The following ATP2B4 variants were observed in gnomAD, a reference collection of about 807,000 sequenced individuals.
The protein encoded by ATP2B4 is ATPase plasma membrane Ca2+ transporting 4.
ATP2B4 carries 39 observed loss-of-function variants against 110.3 expected under a neutral mutation model. The ratio of observed to expected loss-of-function variants is 0.35; its 90% CI spans 0.27 to 0.46. The LOEUF (loss-of-function observed/expected upper bound fraction) is 0.46. Among genes scored for constraint, ATP2B4 ranks in the 20% least tolerant of loss-of-function variants. ATP2B4 has a pLI of 1.00. For synonymous variants in ATP2B4, 538 were observed against 571.7 expected, an observed-to-expected ratio of 0.94 and a Z score of 0.84; for missense variants, 1,135 against 1,530.9, an observed-to-expected ratio of 0.74 and a Z score of 4.32.
chr1:203,703,512 G>A (rs1256222315), intron 7 of ATP2B4, 140 bp from the exon 8 acceptor site: 17 of 894,542 alleles, frequency 1.9e-5, no homozygotes, highest in Middle Eastern at 3.6e-4. Context: ...TCTAGCATGG[G>A]TTGGAAGTGG....
intron 1 of ATP2B4, among the ~76,000 whole-genome samples, chr1:203,636,972 A>G (rs905621239): frequency 6.6e-6 from 1 of 152,116 alleles, no homozygotes; most frequent in African/African-American, 2.4e-5. Context: ...TCCCACCTCC[A>G]CCTGCCGGGA....
intron 1 of ATP2B4, among the ~76,000 whole-genome samples, chr1:203,668,756 C>T (rs1664579320): frequency 6.6e-6 from 1 of 152,154 alleles, no homozygotes; most frequent in African/African-American, 2.4e-5. Context: ...CTGTGTGAGC[C>T]ACTGTGGACT....
chr1:203,727,636 AG>A, intron 20 of ATP2B4, 65 bp downstream of exon 20: 5 of 1,588,648 alleles, frequency 3.1e-6, no homozygotes, highest in Non-Finnish European at 4.3e-6. Flanking sequence ...AGGTGTTGGG[AG>A]GGTAGCAGTT....
intron 20 of ATP2B4, among the ~76,000 whole-genome samples, chr1:203,738,862 A>G (rs561085630): frequency 2.9e-4 from 44 of 152,330 alleles, no homozygotes; most frequent in Admixed American, 1.0e-3. Context: ...GGGAGGGGAC[A>G]CAGTGGTGGT....
At position 203,709,502 on chromosome 1, in the gene ATP2B4, C is replaced by T. The variant is rs1292104307; in HGVS notation, c.1759C>T (p.Arg587Cys). The T allele has an allele frequency of 7.4e-6, 12 of 1,614,030 alleles. No individual in the cohort carries two copies. The highest frequency in any genetic ancestry group is 6.7e-5 in the Admixed American group (4 of 59,996). ...CATCAGGAATCCCAACGGTGGCTTC[C>T]GTATGTACAGCAAGGGCGCCTCTGA... ...TVIRNPNGGF[R>C]MYSKGASEII... The change falls in exon 11 of 21, where the codon CGT (arginine) becomes TGT (cysteine). Residue 587 changes from arginine (R) to cysteine (C), a missense_variant. This residue lies in a region of ATP2B4 where 368 missense variants were observed against 455.9 expected (regional missense o/e 0.81). Coordinates refer to ENST00000357681, the MANE Select transcript of ATP2B4 (RefSeq NM_001684.5).
At chr1:203,669,613 A>G (rs770218709) in intron 1 of ATP2B4, among the ~76,000 whole-genome samples, 1 of 151,344 alleles carries the variant, frequency 6.6e-6, no homozygotes, top group Non-Finnish European at 1.5e-5. Flanking sequence ...ATTTTTGTAT[A>G]TTTAGTAGAG....
chr1:203,722,567 G>C lies in ATP2B4; in HGVS notation c.2902G>C (p.Val968Leu). 2 of 1,614,124 alleles carry C rather than the reference G, an allele frequency of 1.2e-6. No homozygotes were observed. The highest frequency in any genetic ancestry group is 3.3e-4 in the Middle Eastern group (2 of 6,062). Residue 968 changes from valine to leucine, a missense_variant, in exon 18 of 21, where the codon GTG (valine) becomes CTG (leucine). Physicochemically the swap from Val to Leu is conservative, Grantham distance 32. Coordinates refer to ENST00000357681, the MANE Select transcript of ATP2B4 (RefSeq NM_001684.5). ...CTATACCATTGTTTTTAACACCTTC[G>C]TGCTGATGCAGCTCTTCAATGAAAT... is the stretch of plus-strand genomic sequence containing the variant. ...QHYTIVFNTF[V>L]LMQLFNEINS...
At chr1:203,695,920 T>A (rs10793764) in intron 2 of ATP2B4, among the ~76,000 whole-genome samples, 5 of 151,862 alleles carry the variant, frequency 3.3e-5, no homozygotes, top group East Asian at 1.9e-4. Flanking sequence ...CTTTTGACAT[T>A]TAAGGTAACA....
intron 1 of ATP2B4, chr1:203,656,856 G>A: frequency 4.9e-6 from 2 of 411,864 alleles, no homozygotes; most frequent in Non-Finnish European, 4.4e-6. Context: ...TGTTTACAAT[G>A]TAATAAATCT....
intron 11 of ATP2B4, among the ~76,000 whole-genome samples, chr1:203,710,622 A>G (rs1665978624): frequency 6.6e-6 from 1 of 152,238 alleles, no homozygotes; most frequent in Non-Finnish European, 1.5e-5. Context: ...AATGACTTGC[A>G]TTGCATTCAC....
At chr1:203,723,459 T>C (rs796947698) in intron 18 of ATP2B4, among the ~76,000 whole-genome samples, 19 of 128,680 alleles carry the variant, frequency 1.5e-4, no homozygotes, top group African/African-American at 2.8e-4. Flanking sequence ...TCTCTCTCTC[T>C]CCCTCTGCCT....
intron 1 of ATP2B4, chr1:203,657,290 T>C: frequency 1.4e-6 from 1 of 730,168 alleles, no homozygotes; most frequent in African/African-American, 1.8e-5. Context: ...CAAAGCAGAG[T>C]TTAGTAACCA....
rs35019828 is a variant in ATP2B4 at position 203,704,467 on chromosome 1, C to CTTTTTTTTTT, written c.1099+676_1099+685dup. ...GTGGACATATCTCTCAAGGAACAGT[C>CTTTTTTTTTT]TTTTTTTTTTTTTTTTTTTTTTTTT... On this transcript the variant is annotated intron_variant, in intron 8 of 20. Transcript: ENST00000357681. Among the ~76,000 whole-genome samples the CTTTTTTTTTT allele has an allele frequency of 2.8e-4, 19 of 68,794 alleles. 2 individuals are homozygous for CTTTTTTTTTT. Among genetic ancestry groups the CTTTTTTTTTT allele is most frequent in the East Asian group, 2.7e-3 (5 of 1,862 alleles). 45.1% of individuals were successfully genotyped at this position (68,794 alleles called of 152,430 possible).
At chr1:203,697,979 A>G (rs1304476049) in intron 2 of ATP2B4, among the ~76,000 whole-genome samples, 178 bp from the exon 3 acceptor site, 1 of 151,944 alleles carries the variant, frequency 6.6e-6, no homozygotes, top group Non-Finnish European at 1.5e-5. Context: ...TGCTAGGATT[A>G]CAGACGTGAG....
chr1:203,739,710 G>A lies in ATP2B4; in HGVS notation c.3474G>A (p.Lys1158=). The part of the protein sequence containing the change: ...LDEEEEENPD[K]ASKFGTRVLL... ...AGGAAGAGGAGGAAAATCCTGACAA[G>A]GCTTCTAAGTTTGGGACTAGGGTGC... The change falls in exon 21 of 21, where the codon AAG becomes AAA. Residue 1158 remains lysine, a synonymous_variant. Transcript: ENST00000357681. The A allele has an allele frequency of 6.2e-7, 1 of 1,614,162 alleles. No homozygotes were observed. Among genetic ancestry groups the A allele is most frequent in the Non-Finnish European group, 8.5e-7 (1 of 1,180,030 alleles).
chr1:203,709,441 C>T lies in ATP2B4; in HGVS notation c.1698C>T (p.Tyr566=). Residue 566 remains tyrosine, a synonymous_variant, in exon 11 of 21, where the codon TAC becomes TAT. Coordinates refer to ENST00000357681, the MANE Select transcript of ATP2B4 (RefSeq NM_001684.5). ...EVPEEKLYKV[Y]TFNSVRKSMS... ...CCGAGGAGAAGCTCTACAAGGTGTA[C>T]ACCTTTAACTCAGTGCGCAAGTCAA... is the stretch of plus-strand genomic sequence containing the variant. 1.2e-6 allele frequency: 2 copies of T among 1,614,218 alleles called. No homozygotes were observed. The highest frequency in any genetic ancestry group is 1.7e-6 in the Non-Finnish European group (2 of 1,180,042).
chr1:203,714,653 A>C (rs1441458695), intron 15 of ATP2B4, among the ~76,000 whole-genome samples: 1 of 152,206 alleles, frequency 6.6e-6, no homozygotes, highest in Non-Finnish European at 1.5e-5. Flanking sequence ...CAAGAGCATC[A>C]GAATCACTTG....
chr1:203,721,080 A>G, intron 16 of ATP2B4, 117 bp from the exon 17 acceptor site: 1 of 1,062,570 alleles, frequency 9.4e-7, no homozygotes. Flanking sequence ...ACAGTCACTC[A>G]GCTAGGAAGT....
At chr1:203,737,559 G>C (rs1666905230) in intron 20 of ATP2B4, among the ~76,000 whole-genome samples, 1 of 152,176 alleles carries the variant, frequency 6.6e-6, no homozygotes, top group Admixed American at 6.5e-5. Flanking sequence ...GTGAAAACTT[G>C]AGACTTCCTG....
Sources: gnomAD v4.1 joint callset for allele counts (sites outside exome capture counted in the v4.1 genomes callset) on GRCh38, gnomAD v4.1.1 for gene constraint, gnomAD v4.1.1 regional missense constraint, MANE v1.5 for transcripts, NCBI Gene and HGNC (gene_info 2026-07-23, HGNC 2026-07-21) for gene names.